ZNF407: variants seen among roughly 807,000 people sequenced by gnomAD.
ZNF407 encodes zinc finger protein 407.
A neutral mutation model predicts 131.2 loss-of-function variants in ZNF407; 17 were observed. That is an observed-to-expected ratio of 0.13 (90% confidence interval 0.09 to 0.19). The LOEUF (loss-of-function observed/expected upper bound fraction) is 0.19. Ranked by LOEUF, ZNF407 falls within the 10% of genes least tolerant of loss-of-function variation. The pLI is 1.00. For synonymous variants in ZNF407, 1,156 were observed against 1,062.0 expected (o/e 1.09, Z -1.72); for missense variants, 2,681 against 2,830.6 (o/e 0.95, Z 1.20).
intron 4 of ZNF407, among the ~76,000 whole-genome samples, chr18:74,801,658 G>A (rs538754366): frequency 2.0e-5 from 3 of 152,272 alleles, no homozygotes; most frequent in East Asian, 3.9e-4. Flanking sequence ...GATGCATGTC[G>A]AGGTCTCTTG....
intron 3 of ZNF407, among the ~76,000 whole-genome samples, chr18:74,641,807 G>A (rs1984733621): frequency 6.6e-6 from 1 of 152,160 alleles, no homozygotes; most frequent in African/African-American, 2.4e-5. Flanking sequence ...TAAAATGCTA[G>A]ATCATATATG....
chr18:74,874,263 A>G (rs1971125171), intron 4 of ZNF407, among the ~76,000 whole-genome samples: 1 of 152,196 alleles, frequency 6.6e-6, no homozygotes, highest in Non-Finnish European at 1.5e-5. Context: ...TAATCTTTAC[A>G]TTATTACTAA....
Position 74,634,368 on chromosome 18 carries a change from G to A in ZNF407, c.3349G>A (p.Asp1117Asn). The change falls in exon 2 of 9, where the codon GAT becomes AAT. Residue 1117 changes from aspartate to asparagine, a missense_variant. Asp to Asn is a conservative substitution (Grantham distance 23). Coordinates refer to ENST00000299687, the MANE Select transcript of ZNF407 (RefSeq NM_017757.3). ...TCAAATAATTTCAGGTCAACCATCT[G>A]ATACTCTTAAATCTAGAAATGCTGC... Reference protein sequence around the residue: ...EFQIISGQPSDTLKSRNAADC... With the variant: ...EFQIISGQPSNTLKSRNAADC... The A allele has an allele frequency of 6.2e-7, 1 of 1,613,810 alleles. No individual in the cohort carries two copies.
At chr18:74,993,615 C>CT (rs1972744491) in intron 8 of ZNF407, among the ~76,000 whole-genome samples, 1 of 152,182 alleles carries the variant, frequency 6.6e-6, no homozygotes, top group African/African-American at 2.4e-5. Flanking sequence ...ATCCAATTAA[C>CT]TGACTATAAA....
intron 1 of ZNF407, 163 bp downstream of exon 1, chr18:74,598,100 C>T (rs545351562): frequency 6.6e-5 from 10 of 150,520 alleles, no homozygotes; most frequent in African/African-American, 2.4e-4. Flanking sequence ...CCCCCGCCTC[C>T]GCCCCTCCCT....
In ZNF407 at chr18:74,860,484, ATAT is replaced by A. The variant is rs1167796493; in HGVS notation, c.4878-16685_4878-16683del. Among the ~76,000 whole-genome samples, 611 of 145,524 alleles carry A rather than the reference ATAT, an allele frequency of 4.2e-3. 11 individuals are homozygous for A. The highest frequency in any genetic ancestry group is 0.012 in the African/African-American group (477 of 39,880). On this transcript the variant is annotated intron_variant, in intron 4 of 8. Transcript: ENST00000299687. ...TTAGATACTAAATTGCAGAACCTCT[ATAT>A]TATTATTATTATTATTATTATTATT...
At chr18:74,992,068 A>G (rs1210313571) in intron 8 of ZNF407, among the ~76,000 whole-genome samples, 3 of 152,196 alleles carry the variant, frequency 2.0e-5, no homozygotes, top group South Asian at 2.1e-4. Flanking sequence ...AACTGAGGTC[A>G]TGCATCTTAG....
chr18:74,842,933 T>C (rs917552276), intron 4 of ZNF407, among the ~76,000 whole-genome samples: 1 of 152,086 alleles, frequency 6.6e-6, no homozygotes, highest in African/African-American at 2.4e-5. Flanking sequence ...GCCAGGCTTC[T>C]CTCGAACTCC....
In ZNF407 at chr18:74,859,333, T is replaced by G. The variant is rs975864716; in HGVS notation, c.4878-17864T>G. 4.5e-4 allele frequency among the ~76,000 whole-genome samples: 68 copies of G among 152,316 alleles called. 1 individual carries two copies. Among genetic ancestry groups the G allele is most frequent in the African/African-American group, 1.6e-3 (65 of 41,570 alleles). On this transcript the variant is annotated intron_variant, in intron 4 of 8. Coordinates refer to ENST00000299687, the MANE Select transcript of ZNF407 (RefSeq NM_017757.3). ...GTGTCTAGAAACAAATGAAAAAGAC[T>G]AGAAATACATTATAGTGTTAGGCAG...
chr18:74,720,347 A>AT (rs199949124), intron 3 of ZNF407, among the ~76,000 whole-genome samples: 10,397 of 140,128 alleles, frequency 0.074, 390 homozygotes, highest in East Asian at 0.12. Context: ...TTTAAATAGG[A>AT]TTTTTTTTTT....
chr18:74,903,676 C>T (rs576048998), intron 7 of ZNF407, among the ~76,000 whole-genome samples: 2 of 152,126 alleles, frequency 1.3e-5, no homozygotes, highest in Admixed American at 6.5e-5. Context: ...AAATATGTAG[C>T]GATGAAGAGT....
intron 4 of ZNF407, among the ~76,000 whole-genome samples, chr18:74,840,675 G>A (rs1389417588): frequency 6.6e-6 from 1 of 151,922 alleles, no homozygotes; most frequent in African/African-American, 2.4e-5. Context: ...CACCACACCC[G>A]GCTGTAGACT....
intron 8 of ZNF407, among the ~76,000 whole-genome samples, chr18:75,055,514 GA>G (rs1226598630): frequency 2.0e-5 from 3 of 152,230 alleles, no homozygotes; most frequent in Non-Finnish European, 4.4e-5. Context: ...CTTCATGCAT[GA>G]AAATGATAAT....
Position 75,064,154 on chromosome 18 carries a change from A to G in ZNF407, c.6433A>G (p.Ile2145Val), listed in dbSNP as rs762204526. ...GGAGTCCGACGGGGAGATCTCGCAG[A>G]TCATCGTGACGGAGGAGCTGGTCCA... ...LVESDGEISQ[I>V]IVTEELVQAM... is the part of the protein sequence containing the mutation. Residue 2145 changes from isoleucine to valine, a missense_variant, in exon 9 of 9, where the codon ATC becomes GTC. Physicochemically the swap from Ile to Val is conservative, Grantham distance 29. Coordinates refer to ENST00000299687, the MANE Select transcript of ZNF407 (RefSeq NM_017757.3). 1 of 1,604,572 alleles carries G rather than the reference A, an allele frequency of 6.2e-7. No homozygotes were observed. The highest frequency in any genetic ancestry group is 1.7e-5 in the Admixed American group (1 of 58,918).
At chr18:74,872,390 A>G (rs1971099746) in intron 4 of ZNF407, among the ~76,000 whole-genome samples, 1 of 152,146 alleles carries the variant, frequency 6.6e-6, no homozygotes, top group Non-Finnish European at 1.5e-5. Flanking sequence ...TCACTGTATT[A>G]TAATATTCCA....
At position 75,043,964 on chromosome 18, in the gene ZNF407, C is replaced by T. The variant is rs141218972; in HGVS notation, c.5429-19186C>T. ...CGTTTACTTTGAACACTGAGAGCTG[C>T]TGAGCAATTATGAATTATTCTAATT... On this transcript the variant is annotated intron_variant, in intron 8 of 8. Transcript: ENST00000299687. Among the ~76,000 whole-genome samples, 16 of 152,258 alleles carry T rather than the reference C, an allele frequency of 1.1e-4. No homozygotes were observed. In the East Asian group the frequency reaches 3.1e-3, roughly 29 times the overall value.
chr18:74,727,702 G>C (rs1968191977), intron 3 of ZNF407, among the ~76,000 whole-genome samples: 2 of 152,178 alleles, frequency 1.3e-5, no homozygotes, highest in South Asian at 4.1e-4. Context: ...GAGAGCAAAG[G>C]TATATGCAGA....
chr18:74,892,237 G>C (rs925320921), intron 7 of ZNF407, among the ~76,000 whole-genome samples: 9 of 152,150 alleles, frequency 5.9e-5, no homozygotes, highest in Admixed American at 6.5e-5. Context: ...TCTGCGTTTG[G>C]TATGAGCACA....
chr18:75,012,852 A>G (rs1404620263), intron 8 of ZNF407, among the ~76,000 whole-genome samples: 7 of 151,976 alleles, frequency 4.6e-5, no homozygotes, highest in Non-Finnish European at 1.0e-4. Context: ...GCATTTTTCT[A>G]AATTCAGCTA....
Sources: allele counts gnomAD v4.1 joint callset (sites outside exome capture counted in the v4.1 genomes callset), GRCh38; gene constraint gnomAD v4.1.1; transcripts MANE v1.5; gene names NCBI Gene and HGNC (gene_info 2026-07-23, HGNC 2026-07-21).